Variants in DNAJC3 observed in about 807,000 individuals in gnomAD.
The protein encoded by DNAJC3 is dnaJ homolog subfamily C member 3.
Under a neutral mutation model 68.6 loss-of-function variants are expected in DNAJC3, and 38 were observed. The observed-to-expected ratio is 0.55, with a 90% CI of 0.43 to 0.73. The LOEUF (loss-of-function observed/expected upper bound fraction) is 0.73. Ranked by LOEUF, DNAJC3 falls within the 30% of genes least tolerant of loss-of-function variation. DNAJC3 has a pLI of 0.00. For synonymous variants in DNAJC3, 203 were observed against 204.0 expected (o/e 1.00, Z 0.04); for missense variants, 526 against 591.9 (o/e 0.89, Z 1.16).
At position 95,774,134 on chromosome 13, in the gene DNAJC3, T is replaced by G. The variant is rs142049888; in HGVS notation, c.1075+10181T>G. On this transcript the variant is annotated intron_variant, in intron 9 of 11. Coordinates refer to ENST00000602402, the MANE Select transcript of DNAJC3 (RefSeq NM_006260.5). ...TTTCTGCTCTTTAGTTCCTTAGACT[T>G]ACTTTGGTTGTACCTTGTGCTTTTG... Among the ~76,000 whole-genome samples the G allele has an allele frequency of 8.5e-5, 13 of 152,344 alleles. No individual in the cohort carries two copies. The East Asian group carries it at 2.5e-3, about 29-fold the overall frequency.
intron 9 of DNAJC3, among the ~76,000 whole-genome samples, chr13:95,781,810 T>C (rs112820984): frequency 7.0e-6 from 1 of 143,522 alleles, no homozygotes; most frequent in East Asian, 2.0e-4. Flanking sequence ...TGTGTGTGTG[T>C]TTTTTTTTTT....
chr13:95,740,473 C>T (rs1345024820), intron 4 of DNAJC3, among the ~76,000 whole-genome samples: 1 of 150,586 alleles, frequency 6.6e-6, no homozygotes, highest in Non-Finnish European at 1.5e-5. Flanking sequence ...ACTCCGTGGG[C>T]GTAGGACCCT....
chr13:95,719,762 A>G (rs755336866), intron 2 of DNAJC3, among the ~76,000 whole-genome samples: 1 of 152,198 alleles, frequency 6.6e-6, no homozygotes, highest in African/African-American at 2.4e-5. Context: ...GAACAGTAGA[A>G]TTAGTGAGCA....
chr13:95,712,127 A>G lies in DNAJC3; in HGVS notation c.193+2790A>G, dbSNP rs927373848. On this transcript the variant is annotated intron_variant, in intron 2 of 11. Coordinates refer to ENST00000602402, the MANE Select transcript of DNAJC3 (RefSeq NM_006260.5). ...GACTACAGGAGAAAAATATTATTTC[A>G]AAGGTGCAGAAGAAATATTTGATAA... 3.3e-5 allele frequency among the ~76,000 whole-genome samples: 5 copies of G among 152,366 alleles called. No individual in the cohort carries two copies. The East Asian group carries it at 9.6e-4, about 29-fold the overall frequency.
rs1879771586 is a variant in DNAJC3, at chr13:95,677,145, A to G, written c.-111A>G. 19 of 932,324 alleles carry G rather than the reference A, an allele frequency of 2.0e-5. No homozygotes were observed. The highest frequency in any genetic ancestry group is 1.5e-4 in the South Asian group (9 of 61,306). The allele number at this position is 932,324 out of a possible 1,614,324, so 57.8% of individuals were successfully genotyped here. ...CCTTCCTCTGCTGGGCTCCAGAGCCACTGAGGCCTGAGCGAGAGCCGACGG... is the reference window on the plus strand; with the variant it reads ...CCTTCCTCTGCTGGGCTCCAGAGCCGCTGAGGCCTGAGCGAGAGCCGACGG... On this transcript the variant is annotated 5_prime_UTR_variant, in exon 1 of 12. Coordinates refer to ENST00000602402, the MANE Select transcript of DNAJC3 (RefSeq NM_006260.5).
rs9525051 is a variant in DNAJC3 at position 95,764,697 on chromosome 13, T to C, written c.1075+744T>C. ...ATATATATATATACACACACACACA[T>C]ATATATATACATATATATATACACA... On this transcript the variant is annotated intron_variant, in intron 9 of 11. Coordinates refer to ENST00000602402, the MANE Select transcript of DNAJC3 (RefSeq NM_006260.5). 2.6e-3 allele frequency among the ~76,000 whole-genome samples: 304 copies of C among 117,696 alleles called. 1 individual carries two copies. The highest frequency in any genetic ancestry group is 4.5e-3 in the Middle Eastern group (1 of 222). 77.2% of individuals were successfully genotyped at this position (117,696 alleles called of 152,430 possible).
chr13:95,780,285 G>C (rs1046466874), intron 9 of DNAJC3, among the ~76,000 whole-genome samples: 2 of 152,082 alleles, frequency 1.3e-5, no homozygotes, highest in African/African-American at 2.4e-5. Context: ...GCTGTTCTCT[G>C]GGATCTGCCG....
chr13:95,790,819 C>T (rs1331245907), intron 11 of DNAJC3, 54 bp from the exon 12 acceptor site: 19 of 1,574,314 alleles, frequency 1.2e-5, no homozygotes, highest in African/African-American at 8.3e-5. Context: ...AACATTCCCC[C>T]TGCCCCTATA....
chr13:95,678,011 C>T (rs1018463100), intron 1 of DNAJC3, among the ~76,000 whole-genome samples: 11 of 152,138 alleles, frequency 7.2e-5, no homozygotes, highest in Non-Finnish European at 1.6e-4. Context: ...TTTCCAAGTT[C>T]GCTGTAAAAA....
chr13:95,740,435 T>A (rs1566493561), intron 4 of DNAJC3, among the ~76,000 whole-genome samples: 2 of 152,126 alleles, frequency 1.3e-5, no homozygotes, highest in Non-Finnish European at 2.9e-5. Flanking sequence ...CAGTTTGATC[T>A]CAGACTGCTG....
chr13:95,767,949 C>T (rs112653482), intron 9 of DNAJC3, among the ~76,000 whole-genome samples: 51 of 152,114 alleles, frequency 3.4e-4, no homozygotes, highest in Non-Finnish European at 6.6e-4. Context: ...ATGCGATCCA[C>T]CCGCCTCAGC....
At position 95,769,771 on chromosome 13, in the gene DNAJC3, A is replaced by G. The variant is rs188315151; in HGVS notation, c.1075+5818A>G. On this transcript the variant is annotated intron_variant, in intron 9 of 11. Coordinates refer to ENST00000602402, the MANE Select transcript of DNAJC3 (RefSeq NM_006260.5). Reference sequence around the variant, plus strand: ...GCTGCAGACTTCTCATTTCTTTTGAAAAGTGTGTGGTTACAAGGAAAACTA... The same window carrying G: ...GCTGCAGACTTCTCATTTCTTTTGAGAAGTGTGTGGTTACAAGGAAAACTA... 3.6e-3 allele frequency among the ~76,000 whole-genome samples: 541 copies of G among 152,294 alleles called. 3 individuals are homozygous for G. The highest frequency in any genetic ancestry group is 0.012 in the African/African-American group (515 of 41,556).
At chr13:95,695,291 CT>C (rs1351147977) in intron 1 of DNAJC3, 1 of 152,142 alleles carries the variant, frequency 6.6e-6, no homozygotes, top group African/African-American at 2.4e-5. Context: ...CTTCTAATAA[CT>C]CTAGTATTAT....
At chr13:95,785,452 CTTTTTT>C (rs36052714) in intron 9 of DNAJC3, among the ~76,000 whole-genome samples, 1 of 77,922 alleles carries the variant, frequency 1.3e-5, no homozygotes, top group Non-Finnish European at 2.2e-5. Flanking sequence ...CCTTTTAAAC[CTTTTTT>C]TTTTTTTTTT....
chr13:95,786,969 C>A, intron 10 of DNAJC3, 38 bp from the exon 11 acceptor site: 1 of 1,585,134 alleles, frequency 6.3e-7, no homozygotes, highest in Middle Eastern at 1.8e-4. Flanking sequence ...ATGTTAGACA[C>A]TTTTCCACTA....
intron 4 of DNAJC3, among the ~76,000 whole-genome samples, chr13:95,748,901 AC>A (rs1229935126): frequency 1.3e-5 from 2 of 152,218 alleles, no homozygotes; most frequent in Non-Finnish European, 2.9e-5. Flanking sequence ...GGAGAATGGT[AC>A]TTTTAAGTCA....
rs187858865 is a variant in DNAJC3, at chr13:95,782,648, G to T, written c.1076-3291G>T. Among the ~76,000 whole-genome samples the T allele has an allele frequency of 8.2e-3, 1,250 of 152,220 alleles. 13 individuals carry two copies. Among genetic ancestry groups the T allele is most frequent in the South Asian group, 0.014 (69 of 4,822 alleles). On this transcript the variant is annotated intron_variant, in intron 9 of 11. Coordinates refer to ENST00000602402, the MANE Select transcript of DNAJC3 (RefSeq NM_006260.5). ...TATCCTTCGCCCACTTTTTGATAGG[G>T]TTGTTTTCTTGTAAATTTGTTTAAG...
At position 95,756,974 on chromosome 13, in the gene DNAJC3, T is replaced by TA. The variant is rs543055736; in HGVS notation, c.394-664dup. ...TGCACAACTTGGTAAATTTATTTTT[T>TA]AAAAAATCATAGAATTGTACATTTG... On this transcript the variant is annotated intron_variant, in intron 4 of 11. Coordinates refer to ENST00000602402, the MANE Select transcript of DNAJC3 (RefSeq NM_006260.5). Among the ~76,000 whole-genome samples the TA allele has an allele frequency of 2.2e-3, 333 of 152,272 alleles. 1 individual carries two copies. Among genetic ancestry groups the TA allele is most frequent in the Non-Finnish European group, 4.0e-3 (272 of 68,018 alleles).
intron 4 of DNAJC3, among the ~76,000 whole-genome samples, chr13:95,731,482 A>C (rs1173789910): frequency 3.3e-5 from 5 of 151,994 alleles, no homozygotes; most frequent in Non-Finnish European, 7.4e-5. Flanking sequence ...TTCTGTGCCT[A>C]GTTTGTTTAG....
Sources: gnomAD v4.1 joint callset for allele counts (sites outside exome capture counted in the v4.1 genomes callset) on GRCh38, gnomAD v4.1.1 for gene constraint, MANE v1.5 for transcripts, NCBI Gene and HGNC (gene_info 2026-07-23, HGNC 2026-07-21) for gene names.